Variants in SGCZ observed in about 807,000 individuals in gnomAD.
SGCZ encodes the protein zeta-sarcoglycan.
Under a neutral mutation model 41.3 loss-of-function variants are expected in SGCZ, and 40 were observed. The observed-to-expected ratio is 0.97, with a 90% CI of 0.75 to 1.26. The LOEUF (loss-of-function observed/expected upper bound fraction) is 1.26. SGCZ is among the 50% of genes most tolerant of loss of function. The pLI is 0.00. For synonymous variants in SGCZ, 206 were observed against 137.5 expected (o/e 1.50, Z -3.49); for missense variants, 552 against 369.8 (o/e 1.49, Z -4.04).
intron 1 of SGCZ, among the ~76,000 whole-genome samples, chr8:15,048,124 T>C (rs1804378718): frequency 6.6e-6 from 1 of 152,000 alleles, no homozygotes; most frequent in African/African-American, 2.4e-5. Flanking sequence ...ATGTGGCATA[T>C]AAAAATAATG....
chr8:14,102,353 G>A, intron 7 of SGCZ, 23 bp downstream of exon 7: 1 of 1,450,400 alleles, frequency 6.9e-7, no homozygotes, highest in Non-Finnish European at 9.2e-7. Flanking sequence ...TATAGGGCGA[G>A]GGTCCAACTT....
chr8:15,081,962 T>C (rs369837455), intron 1 of SGCZ, among the ~76,000 whole-genome samples: 1 of 152,224 alleles, frequency 6.6e-6, no homozygotes, highest in South Asian at 2.1e-4. Context: ...TACAGTTCTT[T>C]AGATTTGTTG....
At chr8:14,433,918 G>C (rs1203994960) in intron 2 of SGCZ, among the ~76,000 whole-genome samples, 1 of 152,012 alleles carries the variant, frequency 6.6e-6, no homozygotes, top group African/African-American at 2.4e-5. Flanking sequence ...TCTAAGAGTT[G>C]ACATTTTCAG....
intron 4 of SGCZ, among the ~76,000 whole-genome samples, chr8:14,208,229 C>T (rs1257291824): frequency 6.6e-6 from 1 of 152,134 alleles, no homozygotes; most frequent in Non-Finnish European, 1.5e-5. Flanking sequence ...ATGCTGACTT[C>T]AATGGATGAC....
At chr8:14,633,905 T>C (rs113420102) in intron 1 of SGCZ, among the ~76,000 whole-genome samples, 41 of 142,164 alleles carry the variant, frequency 2.9e-4, no homozygotes, top group African/African-American at 9.0e-4. Context: ...AACAAAAGTT[T>C]CTTAATTTTT....
intron 1 of SGCZ, among the ~76,000 whole-genome samples, chr8:14,584,837 T>C (rs1805008235): frequency 6.6e-6 from 1 of 152,060 alleles, no homozygotes; most frequent in African/African-American, 2.4e-5. Flanking sequence ...ATGATCACAA[T>C]GACAGAGATA....
Position 14,606,116 on chromosome 8 carries a change from C to T in SGCZ, c.40-51190G>A, listed in dbSNP as rs138777623. ...ATTTCTCCAACTTTTCTATTACCAC[C>T]GAGGAACAATGTATAGCCATGACTT... On this transcript the variant is annotated intron_variant, in intron 1 of 7. Transcript: ENST00000382080. Among the ~76,000 whole-genome samples, 872 of 152,042 alleles carry T rather than the reference C, an allele frequency of 5.7e-3. 3 individuals carry two copies. Among genetic ancestry groups the T allele is most frequent in the Admixed American group, 9.8e-3 (149 of 15,260 alleles).
chr8:14,603,003 T>C (rs1257910538), intron 1 of SGCZ, among the ~76,000 whole-genome samples: 1 of 152,258 alleles, frequency 6.6e-6, no homozygotes, highest in South Asian at 2.1e-4. Flanking sequence ...AAAAAAGCCA[T>C]GCTTAATCTA....
At position 14,997,315 on chromosome 8, in the gene SGCZ, T is replaced by C. The variant is rs191707820; in HGVS notation, c.39+240270A>G. Among the ~76,000 whole-genome samples, 22 of 152,352 alleles carry C rather than the reference T, an allele frequency of 1.4e-4. No individual in the cohort carries two copies. The East Asian group carries it at 4.1e-3, about 28-fold the overall frequency. On this transcript the variant is annotated intron_variant, in intron 1 of 7. Transcript: ENST00000382080. ...TGAAACATTATTTTGTGAATTATTCTTGCAAAGGACTGAAAATATTTCCTT... is the reference window on the plus strand; with the variant it reads ...TGAAACATTATTTTGTGAATTATTCCTGCAAAGGACTGAAAATATTTCCTT...
At chr8:14,775,658 G>C (rs758508983) in intron 1 of SGCZ, among the ~76,000 whole-genome samples, 33 of 152,124 alleles carry the variant, frequency 2.2e-4, no homozygotes, top group Non-Finnish European at 4.1e-4. Context: ...TGGTTACATA[G>C]AGAAGTAAGT....
At chr8:14,645,011 G>C (rs1251517880) in intron 1 of SGCZ, among the ~76,000 whole-genome samples, 1 of 151,244 alleles carries the variant, frequency 6.6e-6, no homozygotes, top group Non-Finnish European at 1.5e-5. Context: ...ATCTGCAGGT[G>C]GTCTCAGGTC....
At chr8:14,583,826 C>CATAT (rs71818960) in intron 1 of SGCZ, among the ~76,000 whole-genome samples, 14 of 150,888 alleles carry the variant, frequency 9.3e-5, no homozygotes, top group African/African-American at 1.5e-4. Flanking sequence ...TATGGCAAAA[C>CATAT]ATATATATAT....
chr8:14,449,128 G>C (rs1050165421), intron 2 of SGCZ, among the ~76,000 whole-genome samples: 1 of 152,112 alleles, frequency 6.6e-6, no homozygotes, highest in African/African-American at 2.4e-5. Flanking sequence ...AAAACATTCG[G>C]GGAGGAATTG....
chr8:14,126,983 T>C (rs545872508), intron 5 of SGCZ, among the ~76,000 whole-genome samples: 1 of 150,270 alleles, frequency 6.7e-6, no homozygotes, highest in South Asian at 2.1e-4. Flanking sequence ...ATCTGGGGGG[T>C]CAGGGGGAGG....
chr8:15,055,654 C>G (rs1378478100), intron 1 of SGCZ, among the ~76,000 whole-genome samples: 3 of 152,224 alleles, frequency 2.0e-5, no homozygotes, highest in African/African-American at 7.2e-5. Flanking sequence ...GGATATCTCA[C>G]TTGTCAAGTG....
chr8:14,388,900 A>G (rs1563297370), intron 2 of SGCZ, among the ~76,000 whole-genome samples: 1 of 152,038 alleles, frequency 6.6e-6, no homozygotes, highest in Non-Finnish European at 1.5e-5. Flanking sequence ...AAACAAAGGA[A>G]TTAGCATTAA....
rs1006081970 is a variant in SGCZ at position 15,075,272 on chromosome 8, T to C, written c.39+162313A>G. Among the ~76,000 whole-genome samples, 2 of 152,098 alleles carry C rather than the reference T, an allele frequency of 1.3e-5. 1 individual carries two copies. Among genetic ancestry groups the C allele is most frequent in the South Asian group, 4.1e-4 (2 of 4,828 alleles). On this transcript the variant is annotated intron_variant, in intron 1 of 7. Transcript: ENST00000382080. ...ATTCCCGCTTAGGGTTAGGTACTTC[T>C]AGACTAAGAAATACACTTCTCAGAT... is the stretch of plus-strand genomic sequence containing the variant.
At chr8:15,207,102 G>A (rs1563183803) in intron 1 of SGCZ, among the ~76,000 whole-genome samples, 1 of 152,208 alleles carries the variant, frequency 6.6e-6, no homozygotes, top group African/African-American at 2.4e-5. Context: ...TCAAGCCTTT[G>A]CAAAGTGAGA....
At chr8:14,845,028 G>C (rs1259296027) in intron 1 of SGCZ, among the ~76,000 whole-genome samples, 1 of 152,188 alleles carries the variant, frequency 6.6e-6, no homozygotes, top group Non-Finnish European at 1.5e-5. Context: ...GACTTCAGAA[G>C]AGACAAGAGC....
Sources: gnomAD v4.1 joint callset for allele counts (sites outside exome capture counted in the v4.1 genomes callset) on GRCh38, gnomAD v4.1.1 for gene constraint, MANE v1.5 for transcripts, NCBI Gene and HGNC (gene_info 2026-07-23, HGNC 2026-07-21) for gene names.